The following KIAA0825 variants were observed in gnomAD, a reference collection of about 807,000 sequenced individuals.
The protein encoded by KIAA0825 is uncharacterized protein KIAA0825.
In KIAA0825, 119 loss-of-function variants were observed where a neutral mutation model predicts 147.6. The observed-to-expected ratio is 0.81, with a 90% CI of 0.69 to 0.94. The LOEUF (loss-of-function observed/expected upper bound fraction) is 0.94. Ranked by LOEUF, KIAA0825 falls within the 40% of genes least tolerant of loss-of-function variation. KIAA0825 has a pLI of 0.00. For missense variants in KIAA0825, 1,381 were observed against 1,472.7 expected (o/e 0.94, Z 1.02); for synonymous variants, 470 against 518.1 (o/e 0.91, Z 1.26).
chr5:94,419,608 T>A (rs1450336315), intron 14 of KIAA0825, among the ~76,000 whole-genome samples: 1 of 152,220 alleles, frequency 6.6e-6, no homozygotes, highest in East Asian at 1.9e-4. Context: ...AATAAAATCA[T>A]CATGATTTAA....
chr5:94,559,212 T>C (rs1777117508), intron 2 of KIAA0825, among the ~76,000 whole-genome samples: 1 of 152,222 alleles, frequency 6.6e-6, no homozygotes, highest in Admixed American at 6.5e-5. Context: ...ATCAACTGCA[T>C]TTTATATAAT....
At chr5:94,299,686 G>A (rs1328217446) in intron 20 of KIAA0825, among the ~76,000 whole-genome samples, 1 of 152,112 alleles carries the variant, frequency 6.6e-6, no homozygotes, top group Non-Finnish European at 1.5e-5. Context: ...TGAAGGCAGA[G>A]CTATGGTGCT....
rs1246589602 is a variant in KIAA0825 at position 94,396,342 on chromosome 5, T to A, written c.3055A>T (p.Ile1019Phe). Residue 1019 changes from isoleucine (I) to phenylalanine (F), a missense_variant, in exon 17 of 21, where the codon ATT (isoleucine) becomes TTT (phenylalanine). Ile to Phe is a conservative substitution (Grantham distance 21, BLOSUM62 0). Transcript: ENST00000682413. ...KKAGLLVWNL[I>F]VIICRIFEDG... The stretch of plus-strand genomic sequence containing the variant: ...TCAAATATCCGACATATAATTACAA[T>A]CAAGTTCCAGACAAGCAGGCCAGCT... 6.4e-7 allele frequency: 1 copy of A among 1,550,742 alleles called. No individual in the cohort carries two copies. Among genetic ancestry groups the A allele is most frequent in the Non-Finnish European group, 8.7e-7 (1 of 1,146,740 alleles).
At chr5:94,319,884 A>G (rs1056479337) in intron 20 of KIAA0825, among the ~76,000 whole-genome samples, 4 of 151,846 alleles carry the variant, frequency 2.6e-5, no homozygotes, top group African/African-American at 9.7e-5. Context: ...CTACCATTCA[A>G]TCTAGTCTCT....
At chr5:94,389,429 G>A (rs933708443) in intron 18 of KIAA0825, among the ~76,000 whole-genome samples, 3 of 152,170 alleles carry the variant, frequency 2.0e-5, no homozygotes, top group Non-Finnish European at 4.4e-5. Flanking sequence ...GGAGTTGATA[G>A]GGGTGTGGCA....
Position 94,520,369 on chromosome 5 carries a change from A to T in KIAA0825, c.849T>A (p.Val283=). The part of the protein sequence containing the change: ...KFIKETYLDT[V]TEEMAKFLEN... ...CAAGAAATTTTGCCATTTCTTCTGT[A>T]ACAGTATCCAGGTAAGTTTCTTTAA... The change falls in exon 5 of 21, where the codon GTT becomes GTA. Residue 283 remains valine (V), a synonymous_variant. Coordinates refer to ENST00000682413, the MANE Select transcript of KIAA0825 (RefSeq NM_001145678.3). 6.2e-7 allele frequency: 1 copy of T among 1,613,508 alleles called. No individual in the cohort carries two copies. Among genetic ancestry groups the T allele is most frequent in the African/African-American group, 1.3e-5 (1 of 75,022 alleles).
intron 20 of KIAA0825, among the ~76,000 whole-genome samples, chr5:94,328,510 T>C (rs1780932615): frequency 6.6e-6 from 1 of 152,098 alleles, no homozygotes; most frequent in Non-Finnish European, 1.5e-5. Flanking sequence ...TAAAAGGAGA[T>C]TGATTAAATG....
chr5:94,430,676 T>A (rs1755546195), intron 14 of KIAA0825, among the ~76,000 whole-genome samples: 1 of 152,188 alleles, frequency 6.6e-6, no homozygotes, highest in East Asian at 1.9e-4. Flanking sequence ...TGCCCAATCA[T>A]TTTACATACT....
chr5:94,594,488 A>C, intron 1 of KIAA0825: 1 of 747,238 alleles, frequency 1.3e-6, no homozygotes, highest in South Asian at 1.4e-5. Flanking sequence ...TTCTTTATGG[A>C]AGCCATAATA....
At chr5:94,454,911 A>G (rs1758893301) in intron 12 of KIAA0825, among the ~76,000 whole-genome samples, 1 of 152,196 alleles carries the variant, frequency 6.6e-6, no homozygotes, top group Non-Finnish European at 1.5e-5. Context: ...AACAATATTC[A>G]TCTCCTAATG....
intron 20 of KIAA0825, among the ~76,000 whole-genome samples, chr5:94,255,421 C>T (rs1028308393): frequency 6.6e-6 from 1 of 151,870 alleles, no homozygotes; most frequent in East Asian, 1.9e-4. Flanking sequence ...AAATGCCTAA[C>T]CAGCAGTGTA....
chr5:94,590,091 G>A (rs1332911840), intron 1 of KIAA0825, among the ~76,000 whole-genome samples: 1 of 152,122 alleles, frequency 6.6e-6, no homozygotes, highest in Non-Finnish European at 1.5e-5. Context: ...CCAGGTTCAA[G>A]CGATTCTCCT....
chr5:94,435,591 A>G (rs1313833745), intron 14 of KIAA0825, among the ~76,000 whole-genome samples: 1 of 152,134 alleles, frequency 6.6e-6, no homozygotes, highest in Non-Finnish European at 1.5e-5. Flanking sequence ...ATATGCATGC[A>G]TGTGTCTTTA....
At chr5:94,489,358 C>T (rs894306323) in intron 5 of KIAA0825, among the ~76,000 whole-genome samples, 3 of 152,050 alleles carry the variant, frequency 2.0e-5, no homozygotes, top group East Asian at 1.9e-4. Flanking sequence ...GAATCAGCGT[C>T]TCTACGGGAC....
intron 20 of KIAA0825, among the ~76,000 whole-genome samples, chr5:94,173,756 C>T (rs973260990): frequency 2.6e-5 from 4 of 152,156 alleles, no homozygotes; most frequent in African/African-American, 9.7e-5. Context: ...GGTAGGTGTA[C>T]TGCTGCCATC....
At chr5:94,224,050 T>TTTTTC (rs1218635233) in intron 20 of KIAA0825, among the ~76,000 whole-genome samples, 5 of 151,326 alleles carry the variant, frequency 3.3e-5, no homozygotes, top group Admixed American at 6.6e-5. Context: ...ACTCCATTTC[T>TTTTTC]TTTTCTTTTC....
At chr5:94,434,090 G>C (rs1756037388) in intron 14 of KIAA0825, among the ~76,000 whole-genome samples, 1 of 152,150 alleles carries the variant, frequency 6.6e-6, no homozygotes, top group African/African-American at 2.4e-5. Context: ...ATTTGTAGTT[G>C]AGAGTTTCTT....
intron 20 of KIAA0825, among the ~76,000 whole-genome samples, chr5:94,228,857 T>C (rs1040618448): frequency 6.6e-6 from 1 of 152,214 alleles, no homozygotes; most frequent in African/African-American, 2.4e-5. Context: ...ATGGCACAGA[T>C]TGAAAATAAT....
intron 13 of KIAA0825, among the ~76,000 whole-genome samples, chr5:94,443,359 T>TACACACAC (rs70978110): frequency 2.0e-5 from 3 of 148,624 alleles, no homozygotes; most frequent in African/African-American, 7.4e-5. Flanking sequence ...TGTATATATA[T>TACACACAC]ACACACACAC....
Sources: allele counts gnomAD v4.1 joint callset (sites outside exome capture counted in the v4.1 genomes callset), GRCh38; gene constraint gnomAD v4.1.1; transcripts MANE v1.5; gene names NCBI Gene and HGNC (gene_info 2026-07-23, HGNC 2026-07-21).